Variants in RAD51B observed in about 807,000 individuals in gnomAD.
The protein encoded by RAD51B is DNA repair protein RAD51 homolog 2.
RAD51B carries 38 observed loss-of-function variants against 42.2 expected under a neutral mutation model. The ratio of observed to expected loss-of-function variants is 0.90; its 90% CI spans 0.70 to 1.18. The LOEUF is 1.18. RAD51B is among the 50% of genes most tolerant of loss of function. The pLI, the probability that RAD51B is intolerant of heterozygous loss-of-function variation, is 0.00. For synonymous variants in RAD51B, 154 were observed against 145.2 expected, an observed-to-expected ratio of 1.06 and a Z score of -0.43; for missense variants, 373 against 400.7, an observed-to-expected ratio of 0.93 and a Z score of 0.59.
chr14:67,910,441 A>T lies in RAD51B; in HGVS notation c.756+23237A>T, dbSNP rs796492371. On this transcript the variant is annotated intron_variant, in intron 7 of 10. Coordinates refer to ENST00000471583, the MANE Select transcript of RAD51B (RefSeq NM_133510.4). ...AAAAAAAAAAAAAAAAAAAAAAAAA[A>T]ATATTTAAATAAAAATAATGTTTCA... Among the ~76,000 whole-genome samples the T allele has an allele frequency of 1.8e-3, 270 of 146,194 alleles. 11 individuals carry two copies. Among genetic ancestry groups the T allele is most frequent in the East Asian group, 4.4e-3 (22 of 5,008 alleles).
At chr14:68,528,662 TAATTATTTA>T (rs1887089101) in intron 10 of RAD51B, among the ~76,000 whole-genome samples, 1 of 143,252 alleles carries the variant, frequency 7.0e-6, no homozygotes, top group African/African-American at 2.6e-5. Context: ...TGTTCAGAAC[TAATTATTTA>T]CCTTTTTTTT....
At chr14:68,574,615 A>G (rs4902602) in intron 10 of RAD51B, among the ~76,000 whole-genome samples, 18,029 of 152,210 alleles carry the variant, frequency 0.12, 1,204 homozygotes, top group Middle Eastern at 0.33. Flanking sequence ...CTTTGAATCC[A>G]CCAGGCCCAC....
intron 9 of RAD51B, among the ~76,000 whole-genome samples, chr14:68,436,224 ATTC>A (rs1188839468): frequency 6.6e-6 from 1 of 152,140 alleles, no homozygotes; most frequent in Admixed American, 6.5e-5. Context: ...GTCTAGTTTT[ATTC>A]TTCTGCCTAT....
intron 7 of RAD51B, among the ~76,000 whole-genome samples, chr14:68,158,057 G>A (rs2078552393): frequency 6.6e-6 from 1 of 152,094 alleles, no homozygotes; most frequent in Admixed American, 6.6e-5. Flanking sequence ...ATGAATAATA[G>A]GCCACATTCA....
At chr14:68,626,778 G>A (rs1892092874) in intron 10 of RAD51B, among the ~76,000 whole-genome samples, 1 of 152,200 alleles carries the variant, frequency 6.6e-6, no homozygotes. Context: ...AGCATATTCT[G>A]TTGGTCAAGC....
chr14:67,889,079 C>T (rs537196132), intron 7 of RAD51B, among the ~76,000 whole-genome samples: 1 of 151,844 alleles, frequency 6.6e-6, no homozygotes, highest in African/African-American at 2.4e-5. Context: ...TTAATAGAAC[C>T]CTCTGAAAAA....
chr14:68,335,438 T>C (rs747139581), intron 8 of RAD51B, among the ~76,000 whole-genome samples: 7 of 152,206 alleles, frequency 4.6e-5, no homozygotes, highest in Non-Finnish European at 7.3e-5. Context: ...CAGCATACTT[T>C]AGTCTCTTAG....
At chr14:67,999,143 C>G (rs2075435814) in intron 7 of RAD51B, among the ~76,000 whole-genome samples, 1 of 152,006 alleles carries the variant, frequency 6.6e-6, no homozygotes, top group Non-Finnish European at 1.5e-5. Flanking sequence ...GGATCACAGT[C>G]TTAACACTAA....
chr14:68,491,314 T>C (rs530007851), intron 10 of RAD51B, among the ~76,000 whole-genome samples: 1 of 152,348 alleles, frequency 6.6e-6, no homozygotes, highest in East Asian at 1.9e-4. Context: ...TCATGTTCGT[T>C]ATTGAGGCAT....
At chr14:68,227,924 A>C (rs916315128) in intron 7 of RAD51B, among the ~76,000 whole-genome samples, 9 of 152,156 alleles carry the variant, frequency 5.9e-5, no homozygotes, top group Admixed American at 1.3e-4. Flanking sequence ...GCCATTAATT[A>C]TTATTAGTAG....
At chr14:68,258,969 A>G (rs1039098030) in intron 7 of RAD51B, among the ~76,000 whole-genome samples, 14 of 152,210 alleles carry the variant, frequency 9.2e-5, no homozygotes, top group Non-Finnish European at 1.5e-4. Context: ...TTTTCAGACC[A>G]GAGTGACCTG....
chr14:68,205,759 A>T (rs2079572721), intron 7 of RAD51B, among the ~76,000 whole-genome samples: 1 of 152,168 alleles, frequency 6.6e-6, no homozygotes, highest in Non-Finnish European at 1.5e-5. Flanking sequence ...CTACATATGC[A>T]TATATATGTA....
intron 6 of RAD51B, chr14:67,886,489 G>C (rs564184436): frequency 4.6e-6 from 1 of 218,502 alleles, no homozygotes; most frequent in African/African-American, 2.2e-5. Context: ...AGAGACCTTT[G>C]TTCCTTACCG....
intron 10 of RAD51B, among the ~76,000 whole-genome samples, chr14:68,508,007 C>T (rs963732408): frequency 4.6e-5 from 7 of 152,208 alleles, no homozygotes; most frequent in African/African-American, 1.2e-4. Context: ...ATCCACTACA[C>T]GCTCCCTGGG....
At position 68,275,999 on chromosome 14, in the gene RAD51B, C is replaced by A. The variant is rs116010451; in HGVS notation, c.757-15885C>A. The stretch of plus-strand genomic sequence containing the variant: ...CATGCAGACATGAGATGCAGGTGAA[C>A]AGGAGAAGGAAGTCCTCTCCAGTGT... On this transcript the variant is annotated intron_variant, in intron 7 of 10. Transcript: ENST00000471583. Among the ~76,000 whole-genome samples the A allele has an allele frequency of 2.7e-3, 412 of 152,254 alleles. 2 individuals are homozygous for A. The highest frequency in any genetic ancestry group is 9.4e-3 in the African/African-American group (392 of 41,532).
chr14:68,504,800 C>T (rs771918382), intron 10 of RAD51B, among the ~76,000 whole-genome samples: 1 of 145,248 alleles, frequency 6.9e-6, no homozygotes, highest in Non-Finnish European at 1.5e-5. Flanking sequence ...GCACAAATTT[C>T]TTCACTAGAC....
At chr14:68,325,065 G>A (rs1349324453) in intron 8 of RAD51B, among the ~76,000 whole-genome samples, 1 of 152,186 alleles carries the variant, frequency 6.6e-6, no homozygotes, top group African/African-American at 2.4e-5. Flanking sequence ...GCAGGTATGA[G>A]CTCAGGCCTT....
chr14:68,316,055 T>C (rs1161143712), intron 8 of RAD51B, among the ~76,000 whole-genome samples: 1 of 152,228 alleles, frequency 6.6e-6, no homozygotes, highest in African/African-American at 2.4e-5. Flanking sequence ...ACTTGATAGC[T>C]CATTGAGACA....
chr14:67,970,497 T>TAAA (rs1314187991), intron 7 of RAD51B, among the ~76,000 whole-genome samples: 1 of 152,042 alleles, frequency 6.6e-6, no homozygotes, highest in African/African-American at 2.4e-5. Context: ...ACCTTTTAGT[T>TAAA]GTTTTTTTTT....
Sources: gnomAD v4.1 joint callset for allele counts (sites outside exome capture counted in the v4.1 genomes callset) on GRCh38, gnomAD v4.1.1 for gene constraint, MANE v1.5 for transcripts, NCBI Gene and HGNC (gene_info 2026-07-23, HGNC 2026-07-21) for gene names.